PRPF39: variants seen among roughly 807,000 people sequenced by gnomAD.
The protein encoded by PRPF39 is pre-mRNA processing factor 39, also known as pre-mRNA-processing factor 39.
In PRPF39, 27 loss-of-function variants were observed where a neutral mutation model predicts 82.1. The ratio of observed to expected loss-of-function variants is 0.33; its 90% CI spans 0.24 to 0.45. PRPF39 has a LOEUF of 0.45. Among genes scored for constraint, PRPF39 ranks in the 20% least tolerant of loss-of-function variants. The pLI, the probability that PRPF39 is intolerant of heterozygous loss-of-function variation, is 1.00. For synonymous variants in PRPF39, 261 were observed against 256.4 expected (o/e 1.02, Z -0.17); for missense variants, 581 against 796.9 (o/e 0.73, Z 3.26).
At chr14:45,109,190 A>C (rs978497755) in intron 7 of PRPF39, among the ~76,000 whole-genome samples, 4 of 152,190 alleles carry the variant, frequency 2.6e-5, no homozygotes, top group African/African-American at 9.7e-5. Flanking sequence ...CATTTCACAG[A>C]TATATGTATA....
At chr14:45,112,268 C>T (rs1484675355) in intron 10 of PRPF39, 50 bp from the exon 11 acceptor site, 1 of 1,401,882 alleles carries the variant, frequency 7.1e-7, no homozygotes, top group Non-Finnish European at 9.5e-7. Context: ...AATATCTGTG[C>T]TCTAATAAAA....
At position 45,102,523 on chromosome 14, in the gene PRPF39, T is replaced by C. The variant is rs765624646; in HGVS notation, c.570-6T>C. Reference sequence around the variant, plus strand: ...AAGATAACTTAAGAGTAATTTAATTTTTCAGAACTTTTGAGCATGCTGTTC... The same window carrying C: ...AAGATAACTTAAGAGTAATTTAATTCTTCAGAACTTTTGAGCATGCTGTTC... On this transcript the variant is annotated splice_region_variant and splice_polypyrimidine_tract_variant and intron_variant, in intron 4 of 13. Coordinates refer to ENST00000355765, the MANE Select transcript of PRPF39 (RefSeq NM_017922.4). The C allele has an allele frequency of 1.3e-6, 2 of 1,573,044 alleles. No individual in the cohort carries two copies. Among genetic ancestry groups the C allele is most frequent in the Non-Finnish European group, 1.7e-6 (2 of 1,164,938 alleles).
At chr14:45,092,330 C>T (rs1258434039) in intron 1 of PRPF39, among the ~76,000 whole-genome samples, 2 of 152,100 alleles carry the variant, frequency 1.3e-5, no homozygotes, top group African/African-American at 2.4e-5. Context: ...CGGCTGTGCA[C>T]GGTGGCTCAC....
intron 1 of PRPF39, among the ~76,000 whole-genome samples, chr14:45,091,415 A>G (rs1309182831): frequency 6.6e-6 from 1 of 152,216 alleles, no homozygotes; most frequent in East Asian, 1.9e-4. Context: ...GTGTTGGGAT[A>G]TAGGTGTGAG....
chr14:45,096,842 G>T (rs1003404132), intron 3 of PRPF39, 45 bp from the exon 4 acceptor site: 8 of 1,534,682 alleles, frequency 5.2e-6, no homozygotes, highest in Non-Finnish European at 7.0e-6. Context: ...TCTCTGTTAA[G>T]AAATAATTAA....
chr14:45,095,313 T>C lies in PRPF39; in HGVS notation c.74T>C (p.Val25Ala), dbSNP rs751352818. The change falls in exon 2 of 14, where the codon GTA becomes GCA. Residue 25 changes from valine (V) to alanine (A), a missense_variant. Physicochemically the swap from Val to Ala is moderately conservative, Grantham distance 64. Coordinates refer to ENST00000355765, the MANE Select transcript of PRPF39 (RefSeq NM_017922.4). ...GSTGNSSEVV[V>A]EHPTDFSTEI... ...ACAGGCAACAGTTCAGAGGTAGTGG[T>C]AGAACATCCTACTGATTTCAGTACT... is the stretch of plus-strand genomic sequence containing the variant. 10 of 1,613,278 alleles carry C rather than the reference T, an allele frequency of 6.2e-6. No individual in the cohort carries two copies. The highest frequency in any genetic ancestry group is 8.5e-6 in the Non-Finnish European group (10 of 1,179,228).
At chr14:45,101,313 T>C (rs773214465) in intron 4 of PRPF39, among the ~76,000 whole-genome samples, 1 of 152,222 alleles carries the variant, frequency 6.6e-6, no homozygotes, top group Non-Finnish European at 1.5e-5. Context: ...TTTTATACTT[T>C]TTAAAAATCT....
intron 5 of PRPF39, among the ~76,000 whole-genome samples, chr14:45,105,493 A>G (rs1884499324): frequency 1.3e-5 from 2 of 151,296 alleles, no homozygotes; most frequent in African/African-American, 2.4e-5. Context: ...GACTTTGCAA[A>G]ATTTAAATTA....
intron 5 of PRPF39, among the ~76,000 whole-genome samples, chr14:45,103,554 T>G (rs1884440224): frequency 6.6e-6 from 1 of 152,100 alleles, no homozygotes; most frequent in Admixed American, 6.5e-5. Flanking sequence ...AAGACTTTTA[T>G]GAAGCATTTG....
chr14:45,114,670 A>G, intron 13 of PRPF39, 56 bp downstream of exon 13: 1 of 1,554,792 alleles, frequency 6.4e-7, no homozygotes, highest in East Asian at 2.3e-5. Context: ...ATAAATTAGG[A>G]TAGTTTCTTT....
chr14:45,116,023 T>G lies in PRPF39; in HGVS notation c.*1110T>G. ...GAAAGTATTTTAGACCAGGGATTCATAAGGGATTTATCTCTCAAAAGCTGG... is the reference window on the plus strand; with the variant it reads ...GAAAGTATTTTAGACCAGGGATTCAGAAGGGATTTATCTCTCAAAAGCTGG... On this transcript the variant is annotated 3_prime_UTR_variant, in exon 14 of 14. Transcript: ENST00000355765. The G allele has an allele frequency of 1.8e-6, 1 of 557,956 alleles. No individual in the cohort carries two copies. Among genetic ancestry groups the G allele is most frequent in the Non-Finnish European group, 3.3e-6 (1 of 307,396 alleles). The allele number at this position is 557,956 out of a possible 1,614,324, so 34.6% of individuals were successfully genotyped here. A position where few individuals can be genotyped will look rare whatever the true frequency, so the allele number is the denominator to read the frequency against.
At position 45,116,227 on chromosome 14, in the gene PRPF39, A is replaced by G. The variant is rs1884831007; in HGVS notation, c.*1314A>G. Reference sequence around the variant, plus strand: ...TCAATATCCACTAATTCCACTTCAAAAGTGAGTTTTGCATTTGGTGGAATT... The same window carrying G: ...TCAATATCCACTAATTCCACTTCAAGAGTGAGTTTTGCATTTGGTGGAATT... On this transcript the variant is annotated 3_prime_UTR_variant, in exon 14 of 14. Transcript: ENST00000355765. The G allele has an allele frequency of 6.2e-7, 1 of 1,613,118 alleles. No individual in the cohort carries two copies. Among genetic ancestry groups the G allele is most frequent in the African/African-American group, 1.3e-5 (1 of 74,964 alleles).
At chr14:45,085,892 A>G (rs767093326) in intron 1 of PRPF39, among the ~76,000 whole-genome samples, 8 of 152,076 alleles carry the variant, frequency 5.3e-5, no homozygotes, top group East Asian at 1.9e-4. Context: ...AGAATAGTCA[A>G]TGGTATAATT....
At chr14:45,105,770 C>T (rs970231315) in intron 5 of PRPF39, among the ~76,000 whole-genome samples, 2 of 151,964 alleles carry the variant, frequency 1.3e-5, no homozygotes, top group African/African-American at 2.4e-5. Flanking sequence ...AGGTGATCCG[C>T]CCACCTCAGC....
At position 45,107,613 on chromosome 14, in the gene PRPF39, A is replaced by G; in HGVS notation, c.900A>G (p.Ala300=). 2 of 1,551,588 alleles carry G rather than the reference A, an allele frequency of 1.3e-6. No homozygotes were observed. Among genetic ancestry groups the G allele is most frequent in the Non-Finnish European group, 1.7e-6 (2 of 1,146,640 alleles). ...PSGIEDITDP[A]KLITEIENMR... The stretch of plus-strand genomic sequence containing the variant: ...GAATTGAAGACATAACCGATCCTGC[A>G]AAGGTAACCAGTCTTATTCTAAAGT... The change falls in exon 6 of 14, where the codon GCA becomes GCG. Residue 300 remains alanine (A), a synonymous_variant. Transcript: ENST00000355765.
At chr14:45,109,567 T>G in intron 7 of PRPF39, 49 bp from the exon 8 acceptor site, 1 of 1,493,450 alleles carries the variant, frequency 6.7e-7, no homozygotes, top group Non-Finnish European at 9.1e-7. Context: ...ATGTGCATAT[T>G]TTGGTGATAT....
chr14:45,110,658 G>T lies in PRPF39; in HGVS notation c.1413G>T (p.Leu471=). 6.3e-7 allele frequency: 1 copy of T among 1,576,550 alleles called. No homozygotes were observed. The change falls in exon 10 of 14, where the codon CTG becomes CTT. Residue 471 remains leucine (L), a synonymous_variant. Transcript: ENST00000355765. The surrounding 1 kb of genome is among the most constrained non-coding windows in gnomAD (Gnocchi z 4.0). ...GTTTAGAACGACGGCATGGAAATCT[G>T]GAAGAAGCTGAACATTTGCTTCAGG... ...RVSLERRHGN[L]EEAEHLLQDA...
At chr14:45,091,039 C>A (rs993373770) in intron 1 of PRPF39, among the ~76,000 whole-genome samples, 1 of 150,952 alleles carries the variant, frequency 6.6e-6, no homozygotes, top group African/African-American at 2.5e-5. Context: ...TAGTTTCATA[C>A]TATTTGTTCT....
chr14:45,114,847 T>C lies in PRPF39; in HGVS notation c.1954-10T>C. The stretch of plus-strand genomic sequence containing the variant: ...TCTAATATGCTAACATACTTACTTT[T>C]TCCTTTCAGTACAATTATCAGAATC... On this transcript the variant is annotated splice_polypyrimidine_tract_variant and intron_variant, in intron 13 of 13. Transcript: ENST00000355765. 2.5e-6 allele frequency: 4 copies of C among 1,585,498 alleles called. No individual in the cohort carries two copies. The highest frequency in any genetic ancestry group is 1.7e-5 in the Admixed American group (1 of 59,894).
Sources: allele counts gnomAD v4.1 joint callset (sites outside exome capture counted in the v4.1 genomes callset), GRCh38; gene constraint gnomAD v4.1.1; non-coding constraint Gnocchi (gnomAD v3.1); transcripts MANE v1.5; gene names NCBI Gene and HGNC (gene_info 2026-07-23, HGNC 2026-07-21).